Variants in SUMF1 observed in about 807,000 individuals in gnomAD.
SUMF1 encodes the protein sulfatase modifying factor 1, also known as formylglycine-generating enzyme.
SUMF1 carries 48 observed loss-of-function variants against 47.6 expected under a neutral mutation model. The ratio of observed to expected loss-of-function variants is 1.01; its 90% CI spans 0.80 to 1.28. The LOEUF (loss-of-function observed/expected upper bound fraction) is 1.28, where lower values mean the gene tolerates loss of function less well. SUMF1 is among the 50% of genes most tolerant of loss of function. The probability of loss-of-function intolerance (pLI) is 0.00; values close to 1 mark genes in which losing one functional copy is unlikely to be tolerated. For synonymous variants in SUMF1, 230 were observed against 192.1 expected (o/e 1.20, Z -1.63); for missense variants, 571 against 485.4 (o/e 1.18, Z -1.66).
intron 8 of SUMF1, among the ~76,000 whole-genome samples, chr3:4,274,018 T>A (rs1697364413): frequency 6.6e-6 from 1 of 152,044 alleles, no homozygotes; most frequent in South Asian, 2.1e-4. Context: ...CTAAATTCAC[T>A]TTGGGGAAAA....
intron 8 of SUMF1, among the ~76,000 whole-genome samples, chr3:4,119,785 C>G (rs950317316): frequency 2.6e-5 from 4 of 152,036 alleles, no homozygotes; most frequent in African/African-American, 9.7e-5. Context: ...CAAAACTTAA[C>G]AGAAGTAGCT....
chr3:4,268,229 AC>A (rs1486003168), intron 8 of SUMF1, among the ~76,000 whole-genome samples: 1 of 151,680 alleles, frequency 6.6e-6, no homozygotes, highest in Non-Finnish European at 1.5e-5. Flanking sequence ...CACTCTGGGG[AC>A]TGTTGTGGGG....
At chr3:4,464,906 A>C (rs1195528394) in intron 1 of SUMF1, among the ~76,000 whole-genome samples, 1 of 152,260 alleles carries the variant, frequency 6.6e-6, no homozygotes, top group East Asian at 1.9e-4. Context: ...AGACTATAAG[A>C]ACTGGCCAAA....
intron 8 of SUMF1, among the ~76,000 whole-genome samples, chr3:4,321,547 T>C (rs1409786734): frequency 7.2e-6 from 1 of 139,646 alleles, no homozygotes; most frequent in South Asian, 2.2e-4. Flanking sequence ...TAGAAACAAA[T>C]TGTAAAAGCT....
chr3:4,166,490 C>G (rs73118447), intron 8 of SUMF1, among the ~76,000 whole-genome samples: 1,561 of 152,214 alleles, frequency 0.01, 31 homozygotes, highest in African/African-American at 0.036. Context: ...TTATATCTTT[C>G]TAATTGGTGA....
chr3:4,362,271 A>G lies in SUMF1; in HGVS notation c.1015-17T>C, dbSNP rs1181112870. 2 of 1,607,982 alleles carry G rather than the reference A, an allele frequency of 1.2e-6. No individual in the cohort carries two copies. Among genetic ancestry groups the G allele is most frequent in the African/African-American group, 1.3e-5 (1 of 74,818 alleles). On this transcript the variant is annotated splice_polypyrimidine_tract_variant and intron_variant, in intron 8 of 8. Coordinates refer to ENST00000272902, the MANE Select transcript of SUMF1 (RefSeq NM_182760.4). ...ACAATAAGACTGTGTAGAGAGAAAG[A>G]GCAAGGTAAGTGCTACTGGGACTCT...
At chr3:4,257,729 A>C (rs1339950209) in intron 8 of SUMF1, among the ~76,000 whole-genome samples, 1 of 151,414 alleles carries the variant, frequency 6.6e-6, no homozygotes, top group Non-Finnish European at 1.5e-5. Context: ...TCAAGCTACC[A>C]ATGACTTTCT....
chr3:4,313,890 G>A, intron 8 of SUMF1: 4 of 1,474,246 alleles, frequency 2.7e-6, no homozygotes, highest in Non-Finnish European at 3.6e-6. Context: ...TTGTCCATCA[G>A]TATCCTTTCC....
intron 8 of SUMF1, among the ~76,000 whole-genome samples, chr3:4,210,619 TTTTTAAC>T (rs1486621429): frequency 1.3e-5 from 2 of 152,234 alleles, no homozygotes; most frequent in East Asian, 1.9e-4. Context: ...CAAAAATTTT[TTTTTAAC>T]TTTTAAGTTC....
intron 8 of SUMF1, among the ~76,000 whole-genome samples, chr3:4,093,751 T>C (rs1367014250): frequency 6.6e-6 from 1 of 152,046 alleles, no homozygotes; most frequent in East Asian, 1.9e-4. Context: ...CAGATGATAA[T>C]GACTAATTCT....
At chr3:4,132,929 A>T (rs1693826103) in intron 8 of SUMF1, among the ~76,000 whole-genome samples, 1 of 152,108 alleles carries the variant, frequency 6.6e-6, no homozygotes. Flanking sequence ...CCACTCCAGG[A>T]TGGACGACAA....
intron 8 of SUMF1, among the ~76,000 whole-genome samples, chr3:4,103,313 T>TA (rs1447844894): frequency 6.6e-6 from 1 of 152,036 alleles, no homozygotes. Context: ...TAGAAATATA[T>TA]TTTTTTATAA....
intron 9 of SUMF1, among the ~76,000 whole-genome samples, chr3:4,048,764 C>G (rs1695051889): frequency 6.6e-6 from 1 of 152,126 alleles, no homozygotes. Flanking sequence ...AAACCATGTA[C>G]ATTTCATTGC....
chr3:4,331,222 TTAA>T (rs200242684), intron 8 of SUMF1, among the ~76,000 whole-genome samples: 1,653 of 114,476 alleles, frequency 0.014, 22 homozygotes, highest in African/African-American at 0.047. Flanking sequence ...TTCCTTTAAT[TTAA>T]AAAAAAAAAA....
At chr3:4,172,610 A>G (rs1373379039) in intron 8 of SUMF1, among the ~76,000 whole-genome samples, 1 of 152,134 alleles carries the variant, frequency 6.6e-6, no homozygotes, top group Non-Finnish European at 1.5e-5. Flanking sequence ...GCTAAGAATA[A>G]GTTTCATATG....
intron 7 of SUMF1, among the ~76,000 whole-genome samples, chr3:4,398,939 G>C (rs1701121722): frequency 6.6e-6 from 1 of 152,082 alleles, no homozygotes; most frequent in African/African-American, 2.4e-5. Flanking sequence ...AACAAGTCTG[G>C]GGATCAGAAG....
intron 8 of SUMF1, among the ~76,000 whole-genome samples, chr3:4,158,614 C>G (rs892592261): frequency 6.6e-6 from 1 of 151,428 alleles, no homozygotes; most frequent in Admixed American, 6.6e-5. Flanking sequence ...TTCCTTTATT[C>G]ACTCAGACTC....
chr3:4,206,125 A>G (rs2120508), intron 8 of SUMF1, among the ~76,000 whole-genome samples: 100,337 of 150,994 alleles, frequency 0.66, 33,433 homozygotes, highest in South Asian at 0.73. Context: ...TGGCTAAGCC[A>G]GTATCCAAGG....
intron 1 of SUMF1, among the ~76,000 whole-genome samples, chr3:4,455,889 T>C (rs1703144162): frequency 1.3e-5 from 2 of 151,794 alleles, no homozygotes; most frequent in African/African-American, 2.4e-5. Flanking sequence ...AGCATTACAC[T>C]GACACCAAAG....
Sources: allele counts gnomAD v4.1 joint callset (sites outside exome capture counted in the v4.1 genomes callset), GRCh38; gene constraint gnomAD v4.1.1; transcripts MANE v1.5; gene names NCBI Gene and HGNC (gene_info 2026-07-23, HGNC 2026-07-21).